Variants in HPCAL1 observed in about 807,000 individuals in gnomAD.
HPCAL1 encodes hippocalcin-like protein 1.
In HPCAL1, 8 loss-of-function variants were observed where a neutral mutation model predicts 17.1. That is an observed-to-expected ratio of 0.47 (90% CI 0.27 to 0.84). HPCAL1 has a LOEUF of 0.84. Among genes scored for constraint, HPCAL1 ranks in the 40% least tolerant of loss-of-function variants. The pLI is 0.13. For missense variants in HPCAL1, 165 were observed against 271.1 expected (o/e 0.61, Z 2.75); for synonymous variants, 112 against 111.4 (o/e 1.01, Z -0.03).
rs1019113078 is a variant in HPCAL1, at chr2:10,365,783, G to A, written c.-110-31052G>A. 6.6e-6 allele frequency among the ~76,000 whole-genome samples: 1 copy of A among 152,122 alleles called. No individual in the cohort carries two copies. Among genetic ancestry groups the A allele is most frequent in the Non-Finnish European group, 1.5e-5 (1 of 68,012 alleles). ...GAGAAGAGGGTGTGTGAGGGGGTGC[G>A]GGTGGCCCTCCAGACTGGACCTAGG... On this transcript the variant is annotated intron_variant, in intron 1 of 4. Transcript: ENST00000307845. The surrounding 1 kb of genome is among the most constrained non-coding windows in gnomAD (Gnocchi z 4.8).
chr2:10,359,631 A>G lies in HPCAL1; in HGVS notation c.-110-37204A>G, dbSNP rs1238510310. ...AACTCTTTAGAGCCCATCAGGACCA[A>G]GCTCTGGTGGCCTTCCAGGCCCACT... On this transcript the variant is annotated intron_variant, in intron 1 of 4. Transcript: ENST00000307845. This position sits in a 1 kb window ranked among gnomAD's most constrained non-coding sequence, Gnocchi z 4.1. Among the ~76,000 whole-genome samples the G allele has an allele frequency of 6.6e-6, 1 of 152,214 alleles. No individual in the cohort carries two copies. Among genetic ancestry groups the G allele is most frequent in the Non-Finnish European group, 1.5e-5 (1 of 68,044 alleles).
At chr2:10,361,269 AG>A (rs1666509549) in intron 1 of HPCAL1, among the ~76,000 whole-genome samples, 1 of 151,342 alleles carries the variant, frequency 6.6e-6, no homozygotes, top group Non-Finnish European at 1.5e-5. Context: ...CCAGAGAGAG[AG>A]AGAGAGAGAG....
intron 1 of HPCAL1, among the ~76,000 whole-genome samples, chr2:10,374,179 A>G (rs1354327403): frequency 6.6e-6 from 1 of 151,994 alleles, no homozygotes; most frequent in Non-Finnish European, 1.5e-5. Flanking sequence ...TCGAATCCCC[A>G]GTCTCAGCTG....
chr2:10,349,583 G>C (rs1250440688), intron 1 of HPCAL1, among the ~76,000 whole-genome samples: 2 of 150,850 alleles, frequency 1.3e-5, no homozygotes, highest in African/African-American at 4.9e-5. Context: ...GGCACCTGTA[G>C]TCCCAGCTAC....
At chr2:10,358,567 A>C (rs1002549686) in intron 1 of HPCAL1, among the ~76,000 whole-genome samples, 2 of 152,156 alleles carry the variant, frequency 1.3e-5, no homozygotes, top group Non-Finnish European at 2.9e-5. Flanking sequence ...GCGGCTGGAC[A>C]TTGAGAGGAA....
chr2:10,371,986 GT>G (rs1553350247), intron 1 of HPCAL1, among the ~76,000 whole-genome samples: 1 of 152,234 alleles, frequency 6.6e-6, no homozygotes, highest in African/African-American at 2.4e-5. Flanking sequence ...CTTAGAGGGT[GT>G]TTCACATCCT....
chr2:10,303,697 G>A (rs1662420365), intron 1 of HPCAL1: 1 of 152,278 alleles, frequency 6.6e-6, no homozygotes, highest in Non-Finnish European at 1.5e-5. Flanking sequence ...TGGGTCGCCT[G>A]TGAGCTTCTG....
intron 2 of HPCAL1, among the ~76,000 whole-genome samples, chr2:10,399,231 A>G (rs375299341): frequency 0.19 from 11,025 of 57,780 alleles, 809 homozygotes; most frequent in East Asian, 0.29. Flanking sequence ...CACCACCACC[A>G]CCACCACCAT....
intron 2 of HPCAL1, among the ~76,000 whole-genome samples, chr2:10,399,415 CCACCACCAT>C (rs1558518245): frequency 1.5e-5 from 1 of 65,800 alleles, no homozygotes; most frequent in Non-Finnish European, 3.2e-5. Flanking sequence ...ACCACCACCA[CCACCACCAT>C]CACCACCACC....
rs1227626021 is a variant in HPCAL1 at position 10,367,576 on chromosome 2, A to G, written c.-110-29259A>G. On this transcript the variant is annotated intron_variant, in intron 1 of 4. Transcript: ENST00000307845. This position sits in a 1 kb window ranked among gnomAD's most constrained non-coding sequence, Gnocchi z 4.4. ...GTATAATAATATGTAAAGCAAAATC[A>G]TAATAGCAACAACAATCACTGTCAT... Among the ~76,000 whole-genome samples the G allele has an allele frequency of 6.6e-6, 1 of 152,246 alleles. No individual in the cohort carries two copies. Among genetic ancestry groups the G allele is most frequent in the African/African-American group, 2.4e-5 (1 of 41,462 alleles).
In HPCAL1 at chr2:10,342,171, A is replaced by AAAT. The variant is rs141629241; in HGVS notation, c.-111+39012_-111+39014dup. On this transcript the variant is annotated intron_variant, in intron 1 of 4. Transcript: ENST00000307845. The surrounding 1 kb of genome is among the most constrained non-coding windows in gnomAD (Gnocchi z 4.1). The stretch of plus-strand genomic sequence containing the variant: ...GTGACAGAGTGGACCTTGTCTGTAA[A>AAAT]AATAATAATAATAATAATAAAGCTT... Among the ~76,000 whole-genome samples, 892 of 151,896 alleles carry AAAT rather than the reference A, an allele frequency of 5.9e-3. 9 individuals carry two copies. The highest frequency in any genetic ancestry group is 6.2e-3 in the Non-Finnish European group (424 of 67,922).
At chr2:10,307,913 T>C (rs1340751276) in intron 1 of HPCAL1, among the ~76,000 whole-genome samples, 1 of 152,196 alleles carries the variant, frequency 6.6e-6, no homozygotes, top group Non-Finnish European at 1.5e-5. Context: ...CTTGGTTTGT[T>C]CTCTTAACGC....
At chr2:10,312,674 T>C (rs1437753602) in intron 1 of HPCAL1, among the ~76,000 whole-genome samples, 1 of 149,404 alleles carries the variant, frequency 6.7e-6, no homozygotes, top group East Asian at 2.0e-4. Context: ...ATCACCATCA[T>C]CATCATCATC....
chr2:10,307,224 A>C (rs1295093923), intron 1 of HPCAL1, among the ~76,000 whole-genome samples: 1 of 152,184 alleles, frequency 6.6e-6, no homozygotes, highest in African/African-American at 2.4e-5. Flanking sequence ...TGTGACCCTG[A>C]AAAAAGGAAG....
chr2:10,306,896 C>T (rs549601870), intron 1 of HPCAL1, among the ~76,000 whole-genome samples: 1 of 152,350 alleles, frequency 6.6e-6, no homozygotes, highest in Non-Finnish European at 1.5e-5. Flanking sequence ...CAGAGACCTC[C>T]ACTCTCTTCC....
chr2:10,371,326 G>A (rs560281047), intron 1 of HPCAL1, among the ~76,000 whole-genome samples: 1 of 148,516 alleles, frequency 6.7e-6, no homozygotes, highest in African/African-American at 2.5e-5. Flanking sequence ...ACCTGCCCCC[G>A]TCTTTTACCC....
rs149931198 is a variant in HPCAL1, at chr2:10,421,861, G to A, written c.379-1122G>A. On this transcript the variant is annotated intron_variant, in intron 3 of 4. Coordinates refer to ENST00000307845, the MANE Select transcript of HPCAL1 (RefSeq NM_002149.4). Reference sequence around the variant, plus strand: ...CAGGAATGAGCGACCCATTTCCCACGTAGATGGTTTTCACACTGTCAGAGT... The same window carrying A: ...CAGGAATGAGCGACCCATTTCCCACATAGATGGTTTTCACACTGTCAGAGT... 9.1e-4 allele frequency among the ~76,000 whole-genome samples: 139 copies of A among 152,308 alleles called. 1 individual carries two copies. The highest frequency in any genetic ancestry group is 3.3e-3 in the African/African-American group (137 of 41,558).
intron 1 of HPCAL1, among the ~76,000 whole-genome samples, chr2:10,360,108 C>T (rs1666428840): frequency 1.3e-5 from 2 of 152,190 alleles, no homozygotes; most frequent in South Asian, 4.1e-4. Context: ...TGCCAAGGAC[C>T]CATGTCCTCA....
chr2:10,385,887 G>A (rs575489381), intron 1 of HPCAL1, among the ~76,000 whole-genome samples: 15 of 149,592 alleles, frequency 1.0e-4, no homozygotes, highest in South Asian at 2.1e-4. Context: ...CTGATTTGTC[G>A]GCCTCGTGTC....
Sources: allele counts gnomAD v4.1 joint callset (sites outside exome capture counted in the v4.1 genomes callset), GRCh38; gene constraint gnomAD v4.1.1; non-coding constraint Gnocchi (gnomAD v3.1); transcripts MANE v1.5; gene names NCBI Gene and HGNC (gene_info 2026-07-23, HGNC 2026-07-21).